The following GPR143 variants were observed in gnomAD, a reference collection of about 807,000 sequenced individuals.
GPR143 encodes G protein-coupled receptor 143.
GPR143 carries 8 observed loss-of-function variants against 27.6 expected under a neutral mutation model. The ratio of observed to expected loss-of-function variants is 0.29; its 90% CI spans 0.17 to 0.52. The LOEUF is 0.52. Ranked by LOEUF, GPR143 falls within the 20% of genes least tolerant of loss-of-function variation. GPR143 has a pLI of 0.96. For synonymous variants in GPR143, 156 were observed against 153.2 expected (o/e 1.02, Z -0.13); for missense variants, 303 against 343.1 (o/e 0.88, Z 0.92).
chrX:9,760,621 G>A, intron 2 of GPR143, 96 bp downstream of exon 2: 1 of 534,155 alleles, frequency 1.9e-6, no homozygotes, highest in East Asian at 3.7e-5. Context: ...CAGGACGTGA[G>A]AACCTGCATT....
intron 8 of GPR143, among the ~76,000 whole-genome samples, chrX:9,731,400 A>T (rs954761405): frequency 1.7e-4 from 19 of 110,370 alleles, no homozygotes; most frequent in African/African-American, 4.9e-4. Context: ...ATCTTAGAAG[A>T]GAAACAGTGG....
chrX:9,726,369 C>T (rs756044265), intron 8 of GPR143, among the ~76,000 whole-genome samples: 7 of 111,277 alleles, frequency 6.3e-5, no homozygotes, highest in Non-Finnish European at 1.3e-4. Context: ...TTTTCATGGA[C>T]GATGCCATAT....
intron 4 of GPR143, 70 bp from the exon 5 acceptor site, chrX:9,746,223 G>A: frequency 1.6e-6 from 1 of 622,108 alleles, no homozygotes; most frequent in Non-Finnish European, 2.8e-6. Flanking sequence ...TACTTATCTG[G>A]AAGTCAAGAT....
At chrX:9,748,193 G>A in intron 4 of GPR143, 1 of 252,238 alleles carries the variant, frequency 4.0e-6, no homozygotes, top group Admixed American at 5.4e-5. Flanking sequence ...AGAATGTTAA[G>A]CTCACCTGCT....
chrX:9,753,226 C>T (rs1390433214), intron 3 of GPR143, among the ~76,000 whole-genome samples: 5 of 109,756 alleles, frequency 4.6e-5, no homozygotes, highest in African/African-American at 1.7e-4. Context: ...GGTGTGGTGG[C>T]AGGTGCCTGT....
At chrX:9,765,950 A>G, upstream of GPR143, 6 of 643,935 alleles carry the variant, frequency 9.3e-6, no homozygotes, top group Admixed American at 5.9e-5. Context: ...CGCCTGCAGT[A>G]GAGCCAGGCT....
chrX:9,732,628 C>T (rs2238878), intron 8 of GPR143, among the ~76,000 whole-genome samples: 31,988 of 109,548 alleles, frequency 0.29, 4,428 homozygotes, highest in East Asian at 0.57. Context: ...TTTGGGAAGC[C>T]GAAGTGGGCA....
rs141757024 is a variant in GPR143 at position 9,751,558 on chromosome X, A to G, written c.456-2892T>C. 6.2e-3 allele frequency among the ~76,000 whole-genome samples: 695 copies of G among 112,592 alleles called. 3 individuals are homozygous for G. The highest frequency in any genetic ancestry group is 0.021 in the African/African-American group (663 of 31,040). ...GCATGCTACTCCATGGGTGAACCTC[A>G]GCAACAATGCTGAGTGAAAAGCCAG... On this transcript the variant is annotated intron_variant, in intron 3 of 8. Coordinates refer to ENST00000467482, the MANE Select transcript of GPR143 (RefSeq NM_000273.3).
chrX:9,774,543 T>C (rs2083564850), intron 1 of GPR143, among the ~76,000 whole-genome samples: 1 of 112,067 alleles, frequency 8.9e-6, no homozygotes, highest in South Asian at 3.7e-4. Context: ...CCTGAGTGAG[T>C]TCCTGCCACC....
chrX:9,758,111 G>A (rs1010424829), intron 3 of GPR143, among the ~76,000 whole-genome samples: 2 of 111,029 alleles, frequency 1.8e-5, no homozygotes, highest in African/African-American at 3.3e-5. Flanking sequence ...CAGGCAAGGA[G>A]GGGCTCCCTT....
chrX:9,755,721 C>T (rs1310899527), intron 3 of GPR143, among the ~76,000 whole-genome samples: 3 of 111,571 alleles, frequency 2.7e-5, no homozygotes, highest in Non-Finnish European at 5.6e-5. Context: ...GATAGTGACG[C>T]AGGAAAATCA....
At chrX:9,774,117 C>T (rs776402795) in intron 1 of GPR143, among the ~76,000 whole-genome samples, 3 of 98,828 alleles carry the variant, frequency 3.0e-5, no homozygotes, top group African/African-American at 7.3e-5. Context: ...AGACCCCTTC[C>T]CACACCTCCC....
intron 1 of GPR143, among the ~76,000 whole-genome samples, chrX:9,762,407 C>G (rs1469947559): frequency 1.8e-5 from 2 of 110,336 alleles, no homozygotes; most frequent in Non-Finnish European, 3.8e-5. Context: ...AAAAAGTATG[C>G]TAGGTAATAT....
intron 4 of GPR143, among the ~76,000 whole-genome samples, chrX:9,747,386 C>T (rs2083433811): frequency 9.0e-6 from 1 of 111,323 alleles, no homozygotes; most frequent in Non-Finnish European, 1.9e-5. Flanking sequence ...TCCCTGTGCG[C>T]CCTGCAGCAA....
chrX:9,752,006 A>C (rs2083453241), intron 3 of GPR143, among the ~76,000 whole-genome samples: 1 of 112,733 alleles, frequency 8.9e-6, no homozygotes, highest in Non-Finnish European at 1.9e-5. Context: ...AGCTGGATGG[A>C]GAAGATTTTA....
chrX:9,774,573 A>T (rs1257624093), intron 1 of GPR143, among the ~76,000 whole-genome samples: 1 of 112,004 alleles, frequency 8.9e-6, no homozygotes, highest in Non-Finnish European at 1.9e-5. Context: ...CTTCCTACAA[A>T]GAGGGGCAAG....
intron 1 of GPR143, among the ~76,000 whole-genome samples, chrX:9,764,755 G>A (rs748470104): frequency 9.0e-6 from 1 of 111,526 alleles, no homozygotes; most frequent in Non-Finnish European, 1.9e-5. Flanking sequence ...GGCCGGGCGC[G>A]GTGGCTTACG....
intron 3 of GPR143, among the ~76,000 whole-genome samples, chrX:9,755,931 C>G (rs1483209382): frequency 8.9e-6 from 1 of 111,799 alleles, no homozygotes; most frequent in Non-Finnish European, 1.9e-5. Context: ...TTTTCACAAC[C>G]AGGCATATCT....
chrX:9,729,489 G>A, intron 8 of GPR143, among the ~76,000 whole-genome samples: 1 of 111,581 alleles, frequency 9.0e-6, no homozygotes, highest in Non-Finnish European at 1.9e-5. Flanking sequence ...ATTTATGCAT[G>A]ACAACTTTCT....
Sources: gnomAD v4.1 joint callset for allele counts (sites outside exome capture counted in the v4.1 genomes callset) on GRCh38, gnomAD v4.1.1 for gene constraint, MANE v1.5 for transcripts, NCBI Gene and HGNC (gene_info 2026-07-23, HGNC 2026-07-21) for gene names.